The following PCDH9 variants were observed in gnomAD, a reference collection of about 807,000 sequenced individuals.
PCDH9 encodes the protein protocadherin-9.
A neutral mutation model predicts 70.6 loss-of-function variants in PCDH9; 24 were observed. The observed-to-expected ratio is 0.34, with a 90% CI of 0.25 to 0.48. The LOEUF is 0.48. Among genes scored for constraint, PCDH9 ranks in the 20% least tolerant of loss-of-function variants. The probability of loss-of-function intolerance (pLI) is 0.99; values close to 1 mark genes in which losing one functional copy is unlikely to be tolerated. For synonymous variants in PCDH9, 562 were observed against 558.5 expected, an observed-to-expected ratio of 1.01 and a Z score of -0.09; for missense variants, 1,281 against 1,503.6, an observed-to-expected ratio of 0.85 and a Z score of 2.45.
At chr13:66,684,391 CTG>C (rs971976347) in intron 3 of PCDH9, among the ~76,000 whole-genome samples, 5 of 152,276 alleles carry the variant, frequency 3.3e-5, no homozygotes, top group Admixed American at 2.6e-4. Flanking sequence ...TGTGGTTTAG[CTG>C]TGTCCCCACC....
chr13:66,993,488 G>A (rs539278230), intron 2 of PCDH9, among the ~76,000 whole-genome samples: 3 of 152,276 alleles, frequency 2.0e-5, no homozygotes, highest in Admixed American at 2.0e-4. Flanking sequence ...TACTTTGAAG[G>A]GACAGGGAAT....
chr13:67,081,693 T>A (rs1446746792), intron 2 of PCDH9, among the ~76,000 whole-genome samples: 2 of 152,202 alleles, frequency 1.3e-5, no homozygotes, highest in African/African-American at 4.8e-5. Context: ...AAAAGTATTA[T>A]CTATATTCAC....
chr13:66,455,585 T>C (rs1450950794), intron 4 of PCDH9, among the ~76,000 whole-genome samples: 4 of 152,126 alleles, frequency 2.6e-5, no homozygotes, highest in Admixed American at 6.6e-5. Context: ...TCCAGTTGGA[T>C]AATCATTCCA....
At chr13:67,135,385 T>A (rs894251055) in intron 2 of PCDH9, among the ~76,000 whole-genome samples, 4 of 152,298 alleles carry the variant, frequency 2.6e-5, no homozygotes, top group African/African-American at 7.2e-5. Context: ...TCTAGCTATG[T>A]GTTTCCAATT....
intron 4 of PCDH9, among the ~76,000 whole-genome samples, chr13:66,368,811 G>A (rs914430716): frequency 5.9e-5 from 9 of 152,000 alleles, no homozygotes; most frequent in East Asian, 1.9e-4. Context: ...AGCAAGTCAC[G>A]TCTTACATGG....
At chr13:67,091,281 T>C (rs1157836543) in intron 2 of PCDH9, among the ~76,000 whole-genome samples, 1 of 152,026 alleles carries the variant, frequency 6.6e-6, no homozygotes. Context: ...AAAGAGAAAT[T>C]CAAAATAAAA....
intron 4 of PCDH9, among the ~76,000 whole-genome samples, chr13:66,456,455 T>G (rs555318266): frequency 6.6e-6 from 1 of 152,066 alleles, no homozygotes; most frequent in Non-Finnish European, 1.5e-5. Flanking sequence ...AGAGATGGGC[T>G]CTCATTATGT....
At chr13:66,697,180 T>A (rs2078574795) in intron 3 of PCDH9, among the ~76,000 whole-genome samples, 1 of 152,196 alleles carries the variant, frequency 6.6e-6, no homozygotes, top group Non-Finnish European at 1.5e-5. Flanking sequence ...AGAATGTTTT[T>A]AAGCTATGTG....
chr13:66,904,211 A>T (rs1475180872), intron 2 of PCDH9, among the ~76,000 whole-genome samples: 2 of 152,198 alleles, frequency 1.3e-5, no homozygotes, highest in African/African-American at 2.4e-5. Context: ...AGCATTTTTA[A>T]AAAACAGGTT....
chr13:67,040,522 T>G (rs1281546113), intron 2 of PCDH9, among the ~76,000 whole-genome samples: 3 of 152,120 alleles, frequency 2.0e-5, no homozygotes, highest in Admixed American at 2.0e-4. Context: ...AAGTTAGTAA[T>G]CTAAAACCTG....
intron 2 of PCDH9, among the ~76,000 whole-genome samples, chr13:67,127,737 T>C (rs1426513053): frequency 6.6e-6 from 1 of 151,632 alleles, no homozygotes; most frequent in Non-Finnish European, 1.5e-5. Flanking sequence ...TATATATTTT[T>C]TTCTTTCCTC....
rs1179670586 is a variant in PCDH9, at chr13:66,723,162, T to C, written c.3139-91751A>G. ...TATATGCAATCAAACATTTTCTAAT[T>C]AATATTCTAGGGGTACCTCATTCTT... On this transcript the variant is annotated intron_variant, in intron 3 of 4. Transcript: ENST00000377865. 2.6e-5 allele frequency among the ~76,000 whole-genome samples: 4 copies of C among 152,084 alleles called. No individual in the cohort carries two copies. The East Asian group carries it at 7.7e-4, about 29-fold the overall frequency.
chr13:66,536,424 C>T (rs1960705609), intron 4 of PCDH9, among the ~76,000 whole-genome samples: 1 of 151,982 alleles, frequency 6.6e-6, no homozygotes, highest in Admixed American at 6.6e-5. Context: ...TAATTTTTTG[C>T]ACTTTTAGAA....
intron 3 of PCDH9, among the ~76,000 whole-genome samples, chr13:66,802,100 TG>T (rs1195554954): frequency 6.6e-6 from 1 of 151,916 alleles, no homozygotes; most frequent in African/African-American, 2.4e-5. Context: ...ACAGGTCAAC[TG>T]TACATAGAAT....
rs1206813724 is a variant in PCDH9, at chr13:67,158,510, C to T, written c.3036+66895G>A. Among the ~76,000 whole-genome samples, 7 of 152,158 alleles carry T rather than the reference C, an allele frequency of 4.6e-5. No homozygotes were observed. In the East Asian group the frequency reaches 5.8e-4, roughly 13 times the overall value. On this transcript the variant is annotated intron_variant, in intron 2 of 4. Coordinates refer to ENST00000377865, the MANE Select transcript of PCDH9 (RefSeq NM_203487.3). ...GTAATTCCGTCATGAGGGCAGGGCC[C>T]TCATGAGTAGGTTAGTGCCCCTATA...
intron 4 of PCDH9, among the ~76,000 whole-genome samples, chr13:66,470,397 A>T (rs1048580374): frequency 2.0e-5 from 3 of 152,190 alleles, no homozygotes; most frequent in African/African-American, 7.2e-5. Flanking sequence ...AAATGTAGGT[A>T]CTTTTGTAAG....
At chr13:67,022,624 G>A (rs996408560) in intron 2 of PCDH9, among the ~76,000 whole-genome samples, 8 of 152,106 alleles carry the variant, frequency 5.3e-5, no homozygotes, top group South Asian at 2.1e-4. Context: ...TAACCAAAAC[G>A]TGATTTCTTT....
At chr13:66,540,090 G>C (rs1380280031) in intron 4 of PCDH9, among the ~76,000 whole-genome samples, 1 of 151,642 alleles carries the variant, frequency 6.6e-6, no homozygotes, top group Non-Finnish European at 1.5e-5. Context: ...TGCCCAGGCT[G>C]GTCTTGAACT....
intron 2 of PCDH9, among the ~76,000 whole-genome samples, chr13:67,064,866 A>G (rs1052778220): frequency 6.6e-6 from 1 of 151,690 alleles, no homozygotes; most frequent in Non-Finnish European, 1.5e-5. Context: ...GTATCTGTGT[A>G]TGTGTGTGTA....
Sources: allele counts gnomAD v4.1 joint callset (sites outside exome capture counted in the v4.1 genomes callset), GRCh38; gene constraint gnomAD v4.1.1; transcripts MANE v1.5; gene names NCBI Gene and HGNC (gene_info 2026-07-23, HGNC 2026-07-21).